RARB: variants seen among roughly 807,000 people sequenced by gnomAD.
The protein encoded by RARB is retinoic acid receptor beta.
Under a neutral mutation model 51.9 loss-of-function variants are expected in RARB, and 17 were observed. That is an observed-to-expected ratio of 0.33 (90% CI 0.22 to 0.49). The LOEUF (loss-of-function observed/expected upper bound fraction) is 0.49, where lower values mean the gene tolerates loss of function less well. RARB is among the 20% of genes least tolerant of loss of function. RARB has a pLI of 0.99. For synonymous variants in RARB, 215 were observed against 195.4 expected (o/e 1.10, Z -0.84); for missense variants, 369 against 550.8 (o/e 0.67, Z 3.30).
In RARB at chr3:25,553,723, C is replaced by G. The variant is rs367884492; in HGVS notation, c.449-16035C>G. Among the ~76,000 whole-genome samples the G allele has an allele frequency of 8.5e-5, 13 of 152,254 alleles. 2 individuals are homozygous for G. Among genetic ancestry groups the G allele is most frequent in the African/African-American group, 3.1e-4 (13 of 41,544 alleles). ...ATTGTCACTGGGTCTTCGCTGCAACCTGGCAGGATTGGACGCCATCCTTCG... is the reference window on the plus strand; with the variant it reads ...ATTGTCACTGGGTCTTCGCTGCAACGTGGCAGGATTGGACGCCATCCTTCG... On this transcript the variant is annotated intron_variant, in intron 3 of 7. Coordinates refer to ENST00000330688, the MANE Select transcript of RARB (RefSeq NM_000965.5).
intron 2 of RARB, among the ~76,000 whole-genome samples, chr3:25,482,787 G>C (rs182894115): frequency 0.011 from 1,660 of 151,772 alleles, 32 homozygotes; most frequent in African/African-American, 0.038. Flanking sequence ...GATCCGCCCA[G>C]CTCGGCCTCC....
intron 4 of RARB, among the ~76,000 whole-genome samples, chr3:25,141,831 C>G (rs930367431): frequency 6.6e-6 from 1 of 152,042 alleles, no homozygotes; most frequent in Non-Finnish European, 1.5e-5. Flanking sequence ...TATGAAGTAT[C>G]TCCCTCACCT....
chr3:25,181,760 C>T (rs1456031184), intron 5 of RARB, among the ~76,000 whole-genome samples: 1 of 152,022 alleles, frequency 6.6e-6, no homozygotes, highest in East Asian at 1.9e-4. Flanking sequence ...TTTTAATTGC[C>T]ATGCAAGTCA....
At chr3:24,916,422 A>G (rs988571243) in intron 2 of RARB, among the ~76,000 whole-genome samples, 1 of 152,168 alleles carries the variant, frequency 6.6e-6, no homozygotes, top group East Asian at 1.9e-4. Flanking sequence ...GCAGCATTTT[A>G]GTATTCCTAG....
intron 5 of RARB, among the ~76,000 whole-genome samples, chr3:25,203,152 C>G (rs1470619418): frequency 6.6e-6 from 1 of 152,162 alleles, no homozygotes; most frequent in Non-Finnish European, 1.5e-5. Context: ...ATAGTTAGCT[C>G]TTCTTGTTGA....
intron 5 of RARB, among the ~76,000 whole-genome samples, chr3:25,309,887 T>C (rs1451374475): frequency 6.6e-6 from 1 of 152,184 alleles, no homozygotes; most frequent in Non-Finnish European, 1.5e-5. Context: ...TCTTCCAGAC[T>C]GTTTATTCTT....
chr3:24,985,554 A>G (rs902181600), intron 2 of RARB, among the ~76,000 whole-genome samples: 1 of 152,214 alleles, frequency 6.6e-6, no homozygotes, highest in Non-Finnish European at 1.5e-5. Flanking sequence ...AAGGAGGATC[A>G]TGATTCAAGA....
intron 5 of RARB, among the ~76,000 whole-genome samples, chr3:25,250,247 G>A (rs902492619): frequency 6.6e-6 from 1 of 152,162 alleles, no homozygotes; most frequent in African/African-American, 2.4e-5. Flanking sequence ...TGATCCCCAG[G>A]CATGCTTGTG....
intron 2 of RARB, among the ~76,000 whole-genome samples, chr3:24,882,220 T>C (rs1262212685): frequency 6.6e-6 from 1 of 152,114 alleles, no homozygotes; most frequent in East Asian, 1.9e-4. Flanking sequence ...GCTAAGAGAG[T>C]TGAGTTACAT....
intron 2 of RARB, among the ~76,000 whole-genome samples, chr3:25,478,552 A>C (rs968059284): frequency 6.6e-6 from 1 of 152,148 alleles, no homozygotes; most frequent in Non-Finnish European, 1.5e-5. Flanking sequence ...GGACACACTC[A>C]CTCAGTTAAA....
intron 5 of RARB, among the ~76,000 whole-genome samples, chr3:25,195,265 C>CT (rs1421075870): frequency 2.0e-5 from 3 of 151,898 alleles, no homozygotes; most frequent in Non-Finnish European, 4.4e-5. Context: ...CAACCCAGGC[C>CT]TAGACTTAAA....
chr3:25,044,831 G>A (rs546498360), intron 2 of RARB, among the ~76,000 whole-genome samples: 14 of 152,152 alleles, frequency 9.2e-5, no homozygotes, highest in Non-Finnish European at 1.9e-4. Flanking sequence ...ACTATAGAAG[G>A]CCAGTACTGG....
At chr3:24,865,491 T>A (rs1702830064) in intron 2 of RARB, among the ~76,000 whole-genome samples, 1 of 152,114 alleles carries the variant, frequency 6.6e-6, no homozygotes, top group African/African-American at 2.4e-5. Flanking sequence ...CTAACTTCAA[T>A]AACAATGTCA....
intron 5 of RARB, among the ~76,000 whole-genome samples, chr3:25,212,151 A>G (rs1701714477): frequency 6.6e-6 from 1 of 152,242 alleles, no homozygotes; most frequent in Non-Finnish European, 1.5e-5. Context: ...GTTGTGATTA[A>G]AAAGTTTACC....
intron 4 of RARB, among the ~76,000 whole-genome samples, chr3:25,160,636 T>G (rs1173168511): frequency 1.3e-5 from 2 of 152,234 alleles, no homozygotes; most frequent in African/African-American, 4.8e-5. Flanking sequence ...CAGCATGGGT[T>G]GATGTATTAG....
chr3:25,140,072 T>C (rs4426644), intron 4 of RARB, among the ~76,000 whole-genome samples: 60,885 of 147,764 alleles, frequency 0.41, 14,178 homozygotes, highest in East Asian at 0.69. Flanking sequence ...GGTGGAGATA[T>C]ACAAGGACAT....
chr3:24,853,700 G>A (rs929678148), intron 1 of RARB, among the ~76,000 whole-genome samples: 14 of 152,162 alleles, frequency 9.2e-5, no homozygotes, highest in Admixed American at 4.6e-4. Context: ...TCATTCACCC[G>A]TTCTTCATTA....
At chr3:24,969,525 A>G (rs555725875) in intron 2 of RARB, among the ~76,000 whole-genome samples, 3 of 152,176 alleles carry the variant, frequency 2.0e-5, no homozygotes, top group East Asian at 1.9e-4. Context: ...GTTGAGCTCA[A>G]TCTCTGTATA....
intron 5 of RARB, among the ~76,000 whole-genome samples, chr3:25,333,919 A>G (rs1024973575): frequency 2.0e-5 from 3 of 152,362 alleles, no homozygotes; most frequent in Non-Finnish European, 4.4e-5. Flanking sequence ...CAACAGACAC[A>G]TGAAAAAATG....
Sources: allele counts gnomAD v4.1 joint callset (sites outside exome capture counted in the v4.1 genomes callset), GRCh38; gene constraint gnomAD v4.1.1; transcripts MANE v1.5; gene names NCBI Gene and HGNC (gene_info 2026-07-23, HGNC 2026-07-21).